The following ERC1 variants were observed in gnomAD, a reference collection of about 807,000 sequenced individuals.
ERC1 encodes RAB6 interacting protein 2.
In ERC1, 56 loss-of-function variants were observed where a neutral mutation model predicts 132.0. The ratio of observed to expected loss-of-function variants is 0.42; its 90% CI spans 0.34 to 0.53. ERC1 has a LOEUF of 0.53. ERC1 is among the 20% of genes least tolerant of loss of function. ERC1 has a pLI of 0.03. For synonymous variants in ERC1, 478 were observed against 476.1 expected, an observed-to-expected ratio of 1.00 and a Z score of -0.05; for missense variants, 1,202 against 1,349.9, an observed-to-expected ratio of 0.89 and a Z score of 1.72.
At chr12:1,032,717 T>C (rs1459607901) in intron 2 of ERC1, among the ~76,000 whole-genome samples, 4 of 152,228 alleles carry the variant, frequency 2.6e-5, no homozygotes, top group Non-Finnish European at 4.4e-5. Context: ...TACATTTTCT[T>C]CAGTTGACAT....
At chr12:1,270,505 G>A (rs1046416286) in intron 14 of ERC1, among the ~76,000 whole-genome samples, 2 of 152,130 alleles carry the variant, frequency 1.3e-5, no homozygotes, top group Non-Finnish European at 2.9e-5. Flanking sequence ...ACTGTGCCCG[G>A]TCTGAACCTT....
intron 8 of ERC1, among the ~76,000 whole-genome samples, chr12:1,169,613 C>T (rs1244697344): frequency 6.6e-6 from 1 of 152,164 alleles, no homozygotes; most frequent in Non-Finnish European, 1.5e-5. Context: ...GGGTAGAATA[C>T]AGGGTAGGAT....
intron 8 of ERC1, among the ~76,000 whole-genome samples, chr12:1,154,352 TATACACAC>T (rs1423314434): frequency 2.1e-5 from 1 of 48,470 alleles, no homozygotes; most frequent in African/African-American, 9.3e-5. Flanking sequence ...CATGTGTGTT[TATACACAC>T]ACACACACAC....
At chr12:1,129,566 C>T (rs1449915775) in intron 7 of ERC1, among the ~76,000 whole-genome samples, 1 of 152,090 alleles carries the variant, frequency 6.6e-6, no homozygotes. Flanking sequence ...AAATACATTA[C>T]GTGTAAAGGA....
intron 18 of ERC1, among the ~76,000 whole-genome samples, chr12:1,477,480 G>C (rs16928479): frequency 0.041 from 6,304 of 152,256 alleles, 170 homozygotes; most frequent in Middle Eastern, 0.068. Context: ...ACCAGGACAG[G>C]GAAGAAATGT....
intron 16 of ERC1, among the ~76,000 whole-genome samples, chr12:1,400,916 A>ATTATTTT (rs2090981093): frequency 2.7e-4 from 4 of 15,040 alleles, no homozygotes; most frequent in African/African-American, 1.2e-3. Context: ...CTATTTTTGT[A>ATTATTTT]TTTTTTTTTT....
chr12:1,482,373 C>A (rs978879181), intron 18 of ERC1, among the ~76,000 whole-genome samples: 1 of 151,712 alleles, frequency 6.6e-6, no homozygotes, highest in Non-Finnish European at 1.5e-5. Context: ...TTATCTCTAC[C>A]TATTTGTGGC....
intron 8 of ERC1, among the ~76,000 whole-genome samples, chr12:1,178,767 A>C (rs981833027): frequency 1.3e-5 from 2 of 152,146 alleles, no homozygotes; most frequent in East Asian, 1.9e-4. Flanking sequence ...CATAGAACTT[A>C]TCTCTGCCCT....
At chr12:1,465,644 C>G (rs960877339) in intron 18 of ERC1, among the ~76,000 whole-genome samples, 1 of 152,242 alleles carries the variant, frequency 6.6e-6, no homozygotes. Flanking sequence ...AGTTTGCAGA[C>G]AGACATTGCT....
intron 13 of ERC1, among the ~76,000 whole-genome samples, chr12:1,262,212 C>A (rs1438157776): frequency 6.6e-6 from 1 of 152,188 alleles, no homozygotes; most frequent in Non-Finnish European, 1.5e-5. Flanking sequence ...GAAGGAAGTG[C>A]CTATAATAAC....
intron 13 of ERC1, among the ~76,000 whole-genome samples, chr12:1,256,104 G>A (rs2076794722): frequency 6.6e-6 from 1 of 151,854 alleles, no homozygotes; most frequent in Admixed American, 6.6e-5. Flanking sequence ...CTTTTTTCTT[G>A]TAAATTTGTT....
chr12:998,627 T>G (rs1052695897), intron 1 of ERC1: 3 of 152,204 alleles, frequency 2.0e-5, no homozygotes, highest in African/African-American at 7.2e-5. Context: ...TTTTGTTGTA[T>G]TCTGTTATCA....
At chr12:1,210,342 C>T (rs762769864) in intron 12 of ERC1, among the ~76,000 whole-genome samples, 3 of 152,192 alleles carry the variant, frequency 2.0e-5, no homozygotes, top group Non-Finnish European at 2.9e-5. Context: ...ATTGTGTGTA[C>T]GTCAGGATTG....
chr12:1,186,592 C>G (rs1185592538), intron 11 of ERC1, among the ~76,000 whole-genome samples: 1 of 152,150 alleles, frequency 6.6e-6, no homozygotes, highest in Non-Finnish European at 1.5e-5. Context: ...TCTGAATGTT[C>G]TTGACCTTTT....
In ERC1 at chr12:1,242,839, G is replaced by A. The variant is rs148166382; in HGVS notation, c.2487+5935G>A. On this transcript the variant is annotated intron_variant, in intron 13 of 18. Coordinates refer to ENST00000360905, the MANE Select transcript of ERC1 (RefSeq NM_178040.4). ...ATAATACAACAATAAAAAATAAATA[G>A]AAAATAATATAGTGTAACAGCTATT... Among the ~76,000 whole-genome samples, 278 of 152,276 alleles carry A rather than the reference G, an allele frequency of 1.8e-3. 1 individual carries two copies. Among genetic ancestry groups the A allele is most frequent in the African/African-American group, 5.5e-3 (228 of 41,556 alleles).
At chr12:1,296,399 G>GTTTTTTTT (rs2079938073) in intron 15 of ERC1, among the ~76,000 whole-genome samples, 7 of 117,878 alleles carry the variant, frequency 5.9e-5, no homozygotes, top group Non-Finnish European at 1.1e-4. Context: ...TTATTGGATA[G>GTTTTTTTT]TCTTTTTTTT....
intron 2 of ERC1, among the ~76,000 whole-genome samples, chr12:1,057,585 G>GTTTTTT (rs59761885): frequency 2.1e-5 from 1 of 47,684 alleles, no homozygotes; most frequent in Non-Finnish European, 4.0e-5. Context: ...GATGCGCATG[G>GTTTTTT]TTTTTTTTTT....
intron 15 of ERC1, among the ~76,000 whole-genome samples, chr12:1,343,232 T>G (rs2084092971): frequency 6.6e-6 from 1 of 152,222 alleles, no homozygotes; most frequent in Non-Finnish European, 1.5e-5. Flanking sequence ...AAATGACCAT[T>G]TCTTTTCCAT....
chr12:1,377,982 T>C (rs2088147144), intron 16 of ERC1, among the ~76,000 whole-genome samples: 1 of 152,220 alleles, frequency 6.6e-6, no homozygotes, highest in African/African-American at 2.4e-5. Context: ...ATCACAGCTT[T>C]TATGAGAGAA....
Sources: gnomAD v4.1 joint callset for allele counts (sites outside exome capture counted in the v4.1 genomes callset) on GRCh38, gnomAD v4.1.1 for gene constraint, MANE v1.5 for transcripts, NCBI Gene and HGNC (gene_info 2026-07-23, HGNC 2026-07-21) for gene names.